Variants in FUT8 observed in about 807,000 individuals in gnomAD.
FUT8 encodes alpha-(1,6)-fucosyltransferase.
FUT8 carries 29 observed loss-of-function variants against 71.3 expected under a neutral mutation model. That is an observed-to-expected ratio of 0.41 (90% CI 0.30 to 0.55). The LOEUF (loss-of-function observed/expected upper bound fraction) is 0.55. Ranked by LOEUF, FUT8 falls within the 20% of genes least tolerant of loss-of-function variation. FUT8 has a pLI of 0.34. For missense variants in FUT8, 544 were observed against 702.1 expected, an observed-to-expected ratio of 0.77 and a Z score of 2.55; for synonymous variants, 254 against 239.3, an observed-to-expected ratio of 1.06 and a Z score of -0.57.
chr14:65,465,851 G>A (rs1208056355), intron 2 of FUT8, among the ~76,000 whole-genome samples: 1 of 152,146 alleles, frequency 6.6e-6, no homozygotes, highest in African/African-American at 2.4e-5. Flanking sequence ...GTCAATTACC[G>A]ATAGAGGGTT....
intron 3 of FUT8, among the ~76,000 whole-genome samples, chr14:65,563,770 A>G (rs1016190813): frequency 1.3e-5 from 2 of 152,018 alleles, no homozygotes; most frequent in African/African-American, 4.8e-5. Context: ...TTTTTGTTGC[A>G]TGAAGGGAAA....
chr14:65,497,373 A>G (rs2066575645), intron 2 of FUT8, among the ~76,000 whole-genome samples: 1 of 152,144 alleles, frequency 6.6e-6, no homozygotes. Flanking sequence ...TAAAATGTAG[A>G]GTTTTGTGTT....
intron 2 of FUT8, among the ~76,000 whole-genome samples, chr14:65,527,655 CTG>C (rs1883588583): frequency 6.6e-6 from 1 of 152,138 alleles, no homozygotes; most frequent in African/African-American, 2.4e-5. Context: ...CTTTTCTGCT[CTG>C]TTTTTTCCCC....
intron 5 of FUT8, among the ~76,000 whole-genome samples, chr14:65,626,977 TA>T (rs907999780): frequency 6.6e-6 from 1 of 152,226 alleles, no homozygotes; most frequent in Admixed American, 6.5e-5. Context: ...ACTGGATTTG[TA>T]AAAGATAAAA....
At chr14:65,655,833 A>T (rs1891652275) in intron 6 of FUT8, among the ~76,000 whole-genome samples, 1 of 152,232 alleles carries the variant, frequency 6.6e-6, no homozygotes, top group Non-Finnish European at 1.5e-5. Flanking sequence ...GTGATACATC[A>T]TTATCAACAG....
chr14:65,416,639 A>G (rs908709584), intron 1 of FUT8, among the ~76,000 whole-genome samples: 2 of 152,178 alleles, frequency 1.3e-5, no homozygotes, highest in African/African-American at 4.8e-5. Context: ...GCAGCTTGTT[A>G]TAGTGAAACA....
intron 7 of FUT8, among the ~76,000 whole-genome samples, chr14:65,691,138 G>A (rs770257601): frequency 8.6e-5 from 13 of 151,202 alleles, no homozygotes; most frequent in Non-Finnish European, 1.8e-4. Flanking sequence ...GCAGGGGCAA[G>A]TTGCCAACTC....
chr14:65,542,535 T>C (rs1884735526), intron 2 of FUT8, among the ~76,000 whole-genome samples: 1 of 152,226 alleles, frequency 6.6e-6, no homozygotes, highest in Non-Finnish European at 1.5e-5. Context: ...TGTTAGTGAA[T>C]TGAATACCAG....
chr14:65,411,888 C>T, upstream of FUT8: 10 of 371,938 alleles, frequency 2.7e-5, no homozygotes, highest in South Asian at 2.0e-4. Context: ...GCTGGGGCGG[C>T]GCGCTCCGGT....
chr14:65,615,989 G>A lies in FUT8; in HGVS notation c.215G>A (p.Gly72Asp). Residue 72 changes from glycine to aspartate, a missense_variant, in exon 4 of 11, where the codon GGC becomes GAC. Physicochemically the swap from Gly to Asp is moderately conservative, Grantham distance 94 (BLOSUM62 -1). Transcript: ENST00000673929. Reference sequence around the variant, plus strand: ...TCCCTAAACTACAGGATACCAGAAGGCCCTATTGATCAGGGGCCAGCTATA... The same window carrying A: ...TCCCTAAACTACAGGATACCAGAAGACCCTATTGATCAGGGGCCAGCTATA... ...RMAESLRIPEGPIDQGPAIGR... is the reference protein window; with the variant it reads ...RMAESLRIPEDPIDQGPAIGR... 3 of 1,611,746 alleles carry A rather than the reference G, an allele frequency of 1.9e-6. No individual in the cohort carries two copies. The highest frequency in any genetic ancestry group is 1.7e-6 in the Non-Finnish European group (2 of 1,178,248).
chr14:65,659,921 C>T (rs1031592835), intron 6 of FUT8, among the ~76,000 whole-genome samples: 2 of 152,074 alleles, frequency 1.3e-5, no homozygotes, highest in Non-Finnish European at 2.9e-5. Flanking sequence ...TTTATAACCT[C>T]AACAGTTAAA....
At chr14:65,421,657 C>T (rs1201757208) in intron 1 of FUT8, among the ~76,000 whole-genome samples, 1 of 151,626 alleles carries the variant, frequency 6.6e-6, no homozygotes, top group Non-Finnish European at 1.5e-5. Context: ...AAGCACTTAC[C>T]GAGTCATCTT....
At chr14:65,401,895 TAAAA>T in the FUT8 span, among the ~76,000 whole-genome samples, 34 of 105,228 alleles carry the variant, frequency 3.2e-4, no homozygotes, top group East Asian at 7.8e-4. Flanking sequence ...AGACCCTGTC[TAAAA>T]AAAAAAAAAA....
chr14:65,499,565 A>G (rs1248901659), intron 2 of FUT8, among the ~76,000 whole-genome samples: 5 of 152,082 alleles, frequency 3.3e-5, no homozygotes, highest in Admixed American at 2.6e-4. Context: ...TGTAATCCCA[A>G]CACTTTGGGA....
At chr14:65,419,362 C>T (rs1003713609) in intron 1 of FUT8, among the ~76,000 whole-genome samples, 1 of 151,954 alleles carries the variant, frequency 6.6e-6, no homozygotes, top group Non-Finnish European at 1.5e-5. Flanking sequence ...AGAGAACTAA[C>T]ATATTAAACT....
chr14:65,425,383 G>C (rs1324099623), intron 1 of FUT8, among the ~76,000 whole-genome samples: 1 of 149,512 alleles, frequency 6.7e-6, no homozygotes, highest in African/African-American at 2.5e-5. Context: ...AGTCAGGCTA[G>C]TCTAGAACTC....
At chr14:65,616,540 C>T (rs764202386) in intron 5 of FUT8, among the ~76,000 whole-genome samples, 167 bp downstream of exon 5, 1 of 152,108 alleles carries the variant, frequency 6.6e-6, no homozygotes, top group Non-Finnish European at 1.5e-5. Context: ...TTGCCAAGTG[C>T]AGTTCATCAA....
intron 7 of FUT8, among the ~76,000 whole-genome samples, chr14:65,683,027 T>C (rs1314920240): frequency 6.6e-6 from 1 of 151,986 alleles, no homozygotes; most frequent in African/African-American, 2.4e-5. Context: ...TTTTTTTTTT[T>C]TTTGATACGG....
rs139000239 is a variant in FUT8, at chr14:65,731,349, G to T, written c.1260-1882G>T. The stretch of plus-strand genomic sequence containing the variant: ...ACCAGATATTAGTTTATAACTGCAA[G>T]CTAGTCCTTTGTGGATGATATAAAA... On this transcript the variant is annotated intron_variant, in intron 9 of 10. Transcript: ENST00000673929. 5.5e-4 allele frequency among the ~76,000 whole-genome samples: 84 copies of T among 152,270 alleles called. No individual in the cohort carries two copies. In the East Asian group the frequency reaches 0.014, roughly 26 times the overall value.
Sources: gnomAD v4.1 joint callset for allele counts (sites outside exome capture counted in the v4.1 genomes callset) on GRCh38, gnomAD v4.1.1 for gene constraint, MANE v1.5 for transcripts, NCBI Gene and HGNC (gene_info 2026-07-23, HGNC 2026-07-21) for gene names.